The following TNRC6A variants were observed in gnomAD, a reference collection of about 807,000 sequenced individuals.
TNRC6A encodes trinucleotide repeat-containing gene 6A protein.
In TNRC6A, 44 loss-of-function variants were observed where a neutral mutation model predicts 221.2. The observed-to-expected ratio is 0.20, with a 90% confidence interval of 0.16 to 0.26. The LOEUF is 0.26. Ranked by LOEUF, TNRC6A falls within the 10% of genes least tolerant of loss-of-function variation. The pLI is 1.00. For missense variants in TNRC6A, 2,199 were observed against 2,404.4 expected, an observed-to-expected ratio of 0.91 and a Z score of 1.79; for synonymous variants, 847 against 838.5, an observed-to-expected ratio of 1.01 and a Z score of -0.18.
intron 2 of TNRC6A, among the ~76,000 whole-genome samples, chr16:24,733,183 A>G (rs911007077): frequency 1.3e-5 from 2 of 152,164 alleles, no homozygotes; most frequent in African/African-American, 2.4e-5. Flanking sequence ...ACTCCAGCCT[A>G]CTTGACAGAG....
chr16:24,805,243 C>T, intron 14 of TNRC6A, 92 bp downstream of exon 14: 1 of 1,506,504 alleles, frequency 6.6e-7, no homozygotes, highest in Non-Finnish European at 9.1e-7. Context: ...TAAGCATTAT[C>T]ATATTTATTG....
chr16:24,814,607 G>A (rs2058618779), intron 18 of TNRC6A, among the ~76,000 whole-genome samples: 1 of 151,598 alleles, frequency 6.6e-6, no homozygotes, highest in South Asian at 2.1e-4. Context: ...TAGAGACAGG[G>A]TTTCACCATG....
chr16:24,619,310 A>G (rs1900544347), intron 1 of TNRC6A, among the ~76,000 whole-genome samples: 1 of 152,206 alleles, frequency 6.6e-6, no homozygotes, highest in Admixed American at 6.5e-5. Context: ...TAGAGAATGT[A>G]TTCTCTTTGT....
Position 24,797,474 on chromosome 16 carries a change from CTT to C in TNRC6A, c.3562-13_3562-12del, listed in dbSNP as rs907159009. 10 of 1,602,680 alleles carry C rather than the reference CTT, an allele frequency of 6.2e-6. No homozygotes were observed. The highest frequency in any genetic ancestry group is 1.1e-5 in the South Asian group (1 of 88,948). ...AGATGGCCATGGCATCTTTTCTACT[CTT>C]TTATTTTACAAAGGGAATGATGAAA... On this transcript the variant is annotated splice_polypyrimidine_tract_variant and intron_variant, in intron 9 of 24. Coordinates refer to ENST00000395799, the MANE Select transcript of TNRC6A (RefSeq NM_014494.4).
rs113669042 is a variant in TNRC6A at position 24,695,690 on chromosome 16, G to A, written n.402+54681G>A. Among the ~76,000 whole-genome samples, 12 of 152,046 alleles carry A rather than the reference G, an allele frequency of 7.9e-5. 1 individual carries two copies. The highest frequency in any genetic ancestry group is 2.6e-4 in the African/African-American group (11 of 41,528). ...TGGGATTACAGGCGTGAGCCACCCC[G>A]CCTGGCCTTCCAAAAGTTTTTACAG... On this transcript the variant is annotated intron_variant and non_coding_transcript_variant, in intron 2 of 2. Coordinates refer to the TNRC6A transcript ENST00000566108.
intron 1 of TNRC6A, among the ~76,000 whole-genome samples, chr16:24,637,977 G>C (rs1901726652): frequency 6.6e-6 from 1 of 151,962 alleles, no homozygotes; most frequent in Non-Finnish European, 1.5e-5. Context: ...TAGAGACAGG[G>C]CTTTACCATG....
At chr16:24,713,247 G>A (rs1159397038) in intron 2 of TNRC6A, among the ~76,000 whole-genome samples, 10 of 151,806 alleles carry the variant, frequency 6.6e-5, no homozygotes, top group Non-Finnish European at 1.0e-4. Flanking sequence ...GCAAAACCCC[G>A]CCTCTACTAA....
intron 2 of TNRC6A, among the ~76,000 whole-genome samples, chr16:24,744,440 C>T (rs1206370768): frequency 6.6e-6 from 1 of 152,194 alleles, no homozygotes; most frequent in Admixed American, 6.5e-5. Flanking sequence ...GTCAACCATT[C>T]TTCTTACATT....
chr16:24,752,373 T>G (rs2057157145), intron 3 of TNRC6A, among the ~76,000 whole-genome samples: 1 of 152,060 alleles, frequency 6.6e-6, no homozygotes, highest in Non-Finnish European at 1.5e-5. Context: ...AGCCTAGGGG[T>G]GTCATCAGCA....
At chr16:24,665,091 G>C (rs1208180828) in intron 2 of TNRC6A, 2 of 419,026 alleles carry the variant, frequency 4.8e-6, no homozygotes, top group East Asian at 1.4e-4. Flanking sequence ...TTAGAGACAA[G>C]GTCTCACTCT....
chr16:24,710,819 C>T (rs1306899779), intron 2 of TNRC6A, among the ~76,000 whole-genome samples: 1 of 150,986 alleles, frequency 6.6e-6, no homozygotes, highest in African/African-American at 2.4e-5. Flanking sequence ...TCAAGTGATT[C>T]TCCCTGCTTC....
chr16:24,679,441 C>T (rs1292441983), intron 2 of TNRC6A, among the ~76,000 whole-genome samples: 1 of 152,004 alleles, frequency 6.6e-6, no homozygotes, highest in Admixed American at 6.6e-5. Flanking sequence ...ATAGCTGAGA[C>T]TACAGGCACA....
At chr16:24,628,733 A>G (rs1353029352) in intron 1 of TNRC6A, among the ~76,000 whole-genome samples, 1 of 152,220 alleles carries the variant, frequency 6.6e-6, no homozygotes, top group Non-Finnish European at 1.5e-5. Context: ...CTTGCAGTCA[A>G]TAGTAGTCTA....
chr16:24,696,114 C>T (rs868787107), intron 2 of TNRC6A, among the ~76,000 whole-genome samples: 3 of 151,872 alleles, frequency 2.0e-5, no homozygotes, highest in South Asian at 2.1e-4. Context: ...TTTGGGAGGC[C>T]GAGGCGGGTG....
At chr16:24,756,380 G>A (rs748777821) in intron 3 of TNRC6A, among the ~76,000 whole-genome samples, 9 of 152,076 alleles carry the variant, frequency 5.9e-5, no homozygotes, top group Non-Finnish European at 1.3e-4. Flanking sequence ...AGACCAGCCC[G>A]CAAAAACCTG....
intron 2 of TNRC6A, among the ~76,000 whole-genome samples, chr16:24,695,634 G>C (rs986901936): frequency 6.6e-6 from 1 of 151,968 alleles, no homozygotes; most frequent in Non-Finnish European, 1.5e-5. Context: ...TCCTGACCTC[G>C]TGATCTGCCT....
intron 2 of TNRC6A, among the ~76,000 whole-genome samples, chr16:24,716,921 C>T (rs541483668): frequency 2.1e-4 from 28 of 136,352 alleles, no homozygotes; most frequent in Non-Finnish European, 3.8e-4. Context: ...CGTGCCACTG[C>T]ACTCCAGCCT....
chr16:24,781,694 G>C (rs963782563), intron 5 of TNRC6A, among the ~76,000 whole-genome samples: 1 of 151,958 alleles, frequency 6.6e-6, no homozygotes, highest in African/African-American at 2.4e-5. Flanking sequence ...CTCCTCCTGC[G>C]TTCCTTTGCT....
intron 2 of TNRC6A, among the ~76,000 whole-genome samples, chr16:24,748,505 A>G (rs2057063161): frequency 6.6e-6 from 1 of 152,112 alleles, no homozygotes; most frequent in South Asian, 2.1e-4. Flanking sequence ...GCCACATGAC[A>G]CTTCTGCTTG....
Sources: allele counts gnomAD v4.1 joint callset (sites outside exome capture counted in the v4.1 genomes callset), GRCh38; gene constraint gnomAD v4.1.1; transcripts MANE v1.5; gene names NCBI Gene and HGNC (gene_info 2026-07-23, HGNC 2026-07-21).